Variants in EYS observed in about 807,000 individuals in gnomAD.
The protein encoded by EYS is protein eyes shut homolog.
Under a neutral mutation model 282.1 loss-of-function variants are expected in EYS, and 250 were observed. The ratio of observed to expected loss-of-function variants is 0.89; its 90% CI spans 0.80 to 0.98. The LOEUF (loss-of-function observed/expected upper bound fraction) is 0.98. Among genes scored for constraint, EYS ranks in the 50% least tolerant of loss-of-function variants. The pLI is 0.00. For missense variants in EYS, 4,016 were observed against 3,709.0 expected, an observed-to-expected ratio of 1.08 and a Z score of -2.15; for synonymous variants, 1,355 against 1,282.9, an observed-to-expected ratio of 1.06 and a Z score of -1.20.
intron 1 of EYS, among the ~76,000 whole-genome samples, chr6:65,643,975 A>G (rs1276795261): frequency 6.6e-6 from 1 of 152,134 alleles, no homozygotes. Flanking sequence ...AATGAGAAGA[A>G]AACATAAAAA....
At chr6:64,435,065 T>A (rs953761073) in intron 28 of EYS, among the ~76,000 whole-genome samples, 2 of 152,072 alleles carry the variant, frequency 1.3e-5, no homozygotes, top group African/African-American at 2.4e-5. Flanking sequence ...TTCCAAAGTG[T>A]ACTGCCCCCA....
chr6:65,488,141 A>AT (rs1305784356), intron 5 of EYS, among the ~76,000 whole-genome samples: 7 of 151,732 alleles, frequency 4.6e-5, no homozygotes, highest in African/African-American at 7.3e-5. Context: ...GGATTCATTG[A>AT]TTTTTTCAAA....
At chr6:65,170,789 A>G (rs1765087071) in intron 12 of EYS, among the ~76,000 whole-genome samples, 1 of 151,550 alleles carries the variant, frequency 6.6e-6, no homozygotes, top group South Asian at 2.1e-4. Context: ...ATGACATCTA[A>G]GATGAAAAAT....
intron 12 of EYS, among the ~76,000 whole-genome samples, chr6:65,067,022 G>T (rs1208863027): frequency 6.6e-6 from 1 of 152,098 alleles, no homozygotes; most frequent in Non-Finnish European, 1.5e-5. Flanking sequence ...AAATGGCCTT[G>T]TTAGGAGGAA....
intron 1 of EYS, among the ~76,000 whole-genome samples, chr6:65,657,180 G>A (rs955161367): frequency 1.3e-5 from 2 of 151,780 alleles, no homozygotes; most frequent in South Asian, 4.1e-4. Context: ...TCACTCAAGG[G>A]TTCTAACAGA....
intron 2 of EYS, among the ~76,000 whole-genome samples, chr6:65,517,521 G>A (rs374153567): frequency 5.3e-5 from 8 of 151,914 alleles, no homozygotes; most frequent in Admixed American, 5.3e-4. Flanking sequence ...GTGAGGTTAC[G>A]GGTAAACAAA....
At chr6:65,164,305 T>A in intron 12 of EYS, among the ~76,000 whole-genome samples, 1 of 151,336 alleles carries the variant, frequency 6.6e-6, no homozygotes, top group East Asian at 2.0e-4. Context: ...TCAAGTTATT[T>A]AAATGTGTTG....
intron 2 of EYS, among the ~76,000 whole-genome samples, chr6:65,594,535 T>A (rs113336531): frequency 0.016 from 2,391 of 152,198 alleles, 62 homozygotes; most frequent in African/African-American, 0.055. Context: ...TTATTTAATA[T>A]CTCTTAGCCT....
chr6:64,436,327 T>C, intron 27 of EYS, 62 bp from the exon 28 acceptor site: 1 of 816,400 alleles, frequency 1.2e-6, no homozygotes, highest in East Asian at 2.7e-5. Flanking sequence ...TACCATATAT[T>C]TGCACTGGAC....
At chr6:64,016,795 G>A (rs1421853382) in intron 33 of EYS, among the ~76,000 whole-genome samples, 1 of 152,058 alleles carries the variant, frequency 6.6e-6, no homozygotes, top group Non-Finnish European at 1.5e-5. Flanking sequence ...TTTCTAATGA[G>A]GGTATTGTAC....
At chr6:65,553,442 T>A (rs1768672862) in intron 2 of EYS, among the ~76,000 whole-genome samples, 1 of 152,052 alleles carries the variant, frequency 6.6e-6, no homozygotes, top group Non-Finnish European at 1.5e-5. Flanking sequence ...AAAACAAGAA[T>A]CTGGATTATA....
At chr6:63,734,967 A>G (rs1768872551) in intron 41 of EYS, among the ~76,000 whole-genome samples, 1 of 152,164 alleles carries the variant, frequency 6.6e-6, no homozygotes, top group African/African-American at 2.4e-5. Context: ...TGTCAAAAAC[A>G]CACAAAATAT....
In EYS at chr6:65,557,326, G is replaced by A. The variant is rs1206340120; in HGVS notation, c.-332-61333C>T. Among the ~76,000 whole-genome samples, 3 of 152,298 alleles carry A rather than the reference G, an allele frequency of 2.0e-5. No individual in the cohort carries two copies. In the East Asian group the frequency reaches 5.8e-4, roughly 29 times the overall value. On this transcript the variant is annotated intron_variant, in intron 2 of 42. Coordinates refer to ENST00000503581, the MANE Select transcript of EYS (RefSeq NM_001142800.2). ...AGGAGTGTGTGCGTGAAAGAGTGCAGGGTCCAGCCACTGCATACAGGCAGG... is the reference window on the plus strand; with the variant it reads ...AGGAGTGTGTGCGTGAAAGAGTGCAAGGTCCAGCCACTGCATACAGGCAGG...
intron 26 of EYS, among the ~76,000 whole-genome samples, chr6:64,586,851 A>G (rs186046571): frequency 6.6e-6 from 1 of 152,098 alleles, no homozygotes; most frequent in African/African-American, 2.4e-5. Flanking sequence ...TATTTGGTTC[A>G]TGAAGCTCTG....
intron 11 of EYS, among the ~76,000 whole-genome samples, chr6:65,317,476 G>A (rs1769324508): frequency 6.6e-6 from 1 of 152,172 alleles, no homozygotes; most frequent in African/African-American, 2.4e-5. Flanking sequence ...GTTACGGTCT[G>A]TATATTTTAT....
At chr6:64,678,169 A>G (rs577221746) in intron 22 of EYS, among the ~76,000 whole-genome samples, 12 of 152,096 alleles carry the variant, frequency 7.9e-5, no homozygotes, top group Non-Finnish European at 1.6e-4. Context: ...TTGAGTATCA[A>G]AAAGAGTCTG....
Position 64,764,760 on chromosome 6 carries a change from C to T in EYS, c.3443+48618G>A, listed in dbSNP as rs146170666. ...TTTTTTGTTTGTTTGTTTGTTTAGA[C>T]GTAGTTTTGCACTTGTCATCCTGGC... is the stretch of plus-strand genomic sequence containing the variant. On this transcript the variant is annotated intron_variant, in intron 22 of 42. Coordinates refer to ENST00000503581, the MANE Select transcript of EYS (RefSeq NM_001142800.2). 1.4e-3 allele frequency among the ~76,000 whole-genome samples: 209 copies of T among 152,234 alleles called. 1 individual carries two copies. In the East Asian group the frequency reaches 0.025, roughly 18 times the overall value.
chr6:64,246,018 CAAAAAAAAAA>C (rs60121734), intron 30 of EYS, among the ~76,000 whole-genome samples: 70 of 56,218 alleles, frequency 1.2e-3, no homozygotes, highest in African/African-American at 5.4e-3. Flanking sequence ...AACTCCGTCT[CAAAAAAAAAA>C]AAAAAAAAAA....
chr6:63,849,002 G>A (rs1398123324), intron 36 of EYS, among the ~76,000 whole-genome samples: 1 of 152,186 alleles, frequency 6.6e-6, no homozygotes. Flanking sequence ...GTCGGAGGAG[G>A]AGGGTTGTTC....
Sources: allele counts gnomAD v4.1 joint callset (sites outside exome capture counted in the v4.1 genomes callset), GRCh38; gene constraint gnomAD v4.1.1; transcripts MANE v1.5; gene names NCBI Gene and HGNC (gene_info 2026-07-23, HGNC 2026-07-21).